ZNF101: variants seen among roughly 807,000 people sequenced by gnomAD.
The protein encoded by ZNF101 is zinc finger protein 101 (Y2).
ZNF101 carries 34 observed loss-of-function variants against 42.6 expected under a neutral mutation model. That is an observed-to-expected ratio of 0.80 (90% CI 0.61 to 1.06). The LOEUF (loss-of-function observed/expected upper bound fraction) is 1.06, where lower values mean the gene tolerates loss of function less well. Among genes scored for constraint, ZNF101 ranks in the 50% least tolerant of loss-of-function variants. ZNF101 has a pLI of 0.00. For synonymous variants in ZNF101, 158 were observed against 183.9 expected, an observed-to-expected ratio of 0.86 and a Z score of 1.14; for missense variants, 466 against 530.9, an observed-to-expected ratio of 0.88 and a Z score of 1.20.
Position 19,668,935 on chromosome 19 carries a change from G to A in ZNF101, c.-29G>A. ...CCTGTTCTGGCTGCTCCAGCCCCAG[G>A]AAGGACCCAGGACACCCGGAAGCCG... On this transcript the variant is annotated 5_prime_UTR_variant, in exon 1 of 4. Coordinates refer to ENST00000592502, the MANE Select transcript of ZNF101 (RefSeq NM_033204.4). 6.3e-7 allele frequency: 1 copy of A among 1,583,140 alleles called. No individual in the cohort carries two copies. The highest frequency in any genetic ancestry group is 8.6e-7 in the Non-Finnish European group (1 of 1,165,122).
intron 2 of ZNF101, among the ~76,000 whole-genome samples, chr19:19,678,518 G>C (rs936013525): frequency 1.3e-5 from 2 of 151,944 alleles, no homozygotes; most frequent in Admixed American, 6.6e-5. Context: ...GGGAGGCTGA[G>C]GCAGGAGAAT....
In ZNF101 at chr19:19,678,107, G is replaced by A. The variant is rs555500115; in HGVS notation, c.130+117G>A. 1,138 of 1,434,126 alleles carry A rather than the reference G, an allele frequency of 7.9e-4. 2 individuals are homozygous for A. The highest frequency in any genetic ancestry group is 6.2e-3 in the African/African-American group (436 of 70,030). 88.8% of individuals were successfully genotyped at this position (1,434,126 alleles called of 1,614,324 possible). On this transcript the variant is annotated intron_variant, in intron 2 of 3. Coordinates refer to ENST00000592502, the MANE Select transcript of ZNF101 (RefSeq NM_033204.4). ...TACGTTGGTGAATAAATGGGGCATC[G>A]TGGGCCAGGTACAGTGGCTTACCCT...
chr19:19,670,990 C>T (rs2062165147), intron 1 of ZNF101, among the ~76,000 whole-genome samples: 1 of 152,208 alleles, frequency 6.6e-6, no homozygotes, highest in South Asian at 2.1e-4. Context: ...CCTGTAGTCC[C>T]AGATATTCTG....
chr19:19,681,443 T>C lies in ZNF101; in HGVS notation c.*1143T>C, dbSNP rs2062239725. ...GTTTGGAAAATACAGGAAACTTCCA[T>C]TTTAACAATAATTAAAATTCACATG... is the stretch of plus-strand genomic sequence containing the variant. On this transcript the variant is annotated 3_prime_UTR_variant, in exon 4 of 4. Transcript: ENST00000592502. The C allele has an allele frequency of 6.6e-6, 1 of 152,228 alleles. No homozygotes were observed. Among genetic ancestry groups the C allele is most frequent in the Non-Finnish European group, 1.5e-5 (1 of 68,044 alleles). 9.4% of individuals were successfully genotyped at this position (152,228 alleles called of 1,614,324 possible).
At chr19:19,674,270 G>A (rs1474505290) in intron 1 of ZNF101, among the ~76,000 whole-genome samples, 1 of 151,898 alleles carries the variant, frequency 6.6e-6, no homozygotes, top group Non-Finnish European at 1.5e-5. Context: ...TCTGCCTCCT[G>A]GGTTCAAGTG....
chr19:19,679,645 A>G lies in ZNF101; in HGVS notation c.656A>G (p.His219Arg). The G allele has an allele frequency of 6.2e-7, 1 of 1,613,516 alleles. No individual in the cohort carries two copies. Reference protein sequence around the residue: ...SSFFRKHGKMHTGEKRYECKY... With the variant: ...SSFFRKHGKMRTGEKRYECKY... ...TTCTTTCGAAAACATGGAAAAATGC[A>G]TACTGGAGAAAAACGCTATGAATGT... The change falls in exon 4 of 4, where the codon CAT becomes CGT. Residue 219 changes from histidine (H) to arginine (R), a missense_variant. His to Arg is a conservative substitution (Grantham distance 29, BLOSUM62 0). Coordinates refer to ENST00000592502, the MANE Select transcript of ZNF101 (RefSeq NM_033204.4).
At chr19:19,670,231 G>C (rs1207182611) in intron 1 of ZNF101, among the ~76,000 whole-genome samples, 2 of 152,128 alleles carry the variant, frequency 1.3e-5, no homozygotes, top group African/African-American at 4.8e-5. Flanking sequence ...CTGGCCCTTG[G>C]GGGTGGGGTG....
At chr19:19,668,410 G>A (rs1429399972), upstream of ZNF101, among the ~76,000 whole-genome samples, 1 of 152,062 alleles carries the variant, frequency 6.6e-6, no homozygotes. Context: ...ACCGCATCCT[G>A]GAACTGTCTG....
intron 1 of ZNF101, among the ~76,000 whole-genome samples, chr19:19,675,729 C>A (rs2145052063): frequency 6.6e-6 from 1 of 152,190 alleles, no homozygotes; most frequent in East Asian, 1.9e-4. Flanking sequence ...AGATAATAGG[C>A]CGGGCACAGT....
At chr19:19,678,916 C>A in intron 3 of ZNF101, 130 bp downstream of exon 3, 1 of 967,404 alleles carries the variant, frequency 1.0e-6, no homozygotes, top group Non-Finnish European at 1.5e-6. Context: ...AGATTGCTAC[C>A]AAAAATCTAT....
At position 19,672,339 on chromosome 19, in the gene ZNF101, C is replaced by T. The variant is rs1389203236; in HGVS notation, c.3+3373C>T. 2.0e-5 allele frequency: 3 copies of T among 151,650 alleles called. No individual in the cohort carries two copies. In the East Asian group the frequency reaches 5.8e-4, roughly 29 times the overall value. 9.4% of individuals were successfully genotyped at this position (151,650 alleles called of 1,614,324 possible). A position where few individuals can be genotyped will look rare whatever the true frequency, so the allele number is the denominator to read the frequency against. On this transcript the variant is annotated intron_variant, in intron 1 of 3. Coordinates refer to ENST00000592502, the MANE Select transcript of ZNF101 (RefSeq NM_033204.4). ...GGTAGCTGAACCCGGTAGCTGAATC[C>T]TGAGTAGCTGGGATTACAGGTGCCC...
chr19:19,679,325 C>G lies in ZNF101; in HGVS notation c.336C>G (p.Leu112=), dbSNP rs267605378. Reference sequence around the variant, plus strand: ...GCAGCGTGTGTGGGAAAGTCTTCCTCCGTCATTCATTCCTGGACAGGCACA... The same window carrying G: ...GCAGCGTGTGTGGGAAAGTCTTCCTGCGTCATTCATTCCTGGACAGGCACA... ...CKCSVCGKVF[L]RHSFLDRHMR... The change falls in exon 4 of 4, where the codon CTC becomes CTG. Residue 112 remains leucine (L), a synonymous_variant. Coordinates refer to ENST00000592502, the MANE Select transcript of ZNF101 (RefSeq NM_033204.4). 2.7e-5 allele frequency: 43 copies of G among 1,613,990 alleles called. No homozygotes were observed. The highest frequency in any genetic ancestry group is 3.3e-5 in the South Asian group (3 of 91,082).
chr19:19,679,920 G>A lies in ZNF101; in HGVS notation c.931G>A (p.Glu311Lys), dbSNP rs1287766281. The stretch of plus-strand genomic sequence containing the variant: ...AACTCATAGTGGAGGAAAACTCTAC[G>A]AATGTCAAAAATGTGCCAAAGTCTT... Reference protein sequence around the residue: ...ERTHSGGKLYECQKCAKVFRC... With the variant: ...ERTHSGGKLYKCQKCAKVFRC... Residue 311 changes from glutamate to lysine, a missense_variant, in exon 4 of 4, where the codon GAA becomes AAA. Physicochemically the swap from Glu to Lys is moderately conservative, Grantham distance 56. Coordinates refer to ENST00000592502, the MANE Select transcript of ZNF101 (RefSeq NM_033204.4). 2 of 1,613,952 alleles carry A rather than the reference G, an allele frequency of 1.2e-6. No individual in the cohort carries two copies. Among genetic ancestry groups the A allele is most frequent in the Non-Finnish European group, 1.7e-6 (2 of 1,180,026 alleles).
Position 19,680,194 on chromosome 19 carries a change from T to G in ZNF101, c.1205T>G (p.Val402Gly). 1.2e-6 allele frequency: 2 copies of G among 1,600,834 alleles called. No individual in the cohort carries two copies. Among genetic ancestry groups the G allele is most frequent in the Non-Finnish European group, 1.7e-6 (2 of 1,175,542 alleles). Residue 402 changes from valine to glycine, a missense_variant, in exon 4 of 4, where the codon GTC (valine) becomes GGC (glycine). Coordinates refer to ENST00000592502, the MANE Select transcript of ZNF101 (RefSeq NM_033204.4). ...TTTGATTGTAAACAGTGTGGTAAAG[T>G]CTTTACTTTTTCAAATTACCTTAGA... ...KPFDCKQCGK[V>G]FTFSNYLRLH...
chr19:19,677,645 A>G, intron 1 of ZNF101: 1 of 573,820 alleles, frequency 1.7e-6, no homozygotes. Flanking sequence ...CCCACCACAG[A>G]GAGGGTGGTC....
chr19:19,671,766 T>C (rs1431815188), intron 1 of ZNF101, among the ~76,000 whole-genome samples: 1 of 152,202 alleles, frequency 6.6e-6, no homozygotes, highest in Non-Finnish European at 1.5e-5. Flanking sequence ...CCCAAAGTGC[T>C]GGGATTACAG....
chr19:19,673,789 A>G (rs2062186085), intron 1 of ZNF101, among the ~76,000 whole-genome samples: 1 of 125,398 alleles, frequency 8.0e-6, no homozygotes, highest in Admixed American at 9.5e-5. Flanking sequence ...TTTTTAAATT[A>G]TTATTATTAT....
intron 1 of ZNF101, among the ~76,000 whole-genome samples, chr19:19,670,240 T>C (rs765954945): frequency 6.4e-4 from 98 of 151,986 alleles, no homozygotes; most frequent in Non-Finnish European, 9.4e-4. Context: ...GGGGGTGGGG[T>C]GGGGCCAGAA....
intron 1 of ZNF101, among the ~76,000 whole-genome samples, chr19:19,671,701 G>C (rs963802404): frequency 1.6e-4 from 24 of 152,112 alleles, no homozygotes; most frequent in African/African-American, 5.8e-4. Context: ...GGGTTTCACC[G>C]TGTTAGCCAG....
Sources: allele counts gnomAD v4.1 joint callset (sites outside exome capture counted in the v4.1 genomes callset), GRCh38; gene constraint gnomAD v4.1.1; transcripts MANE v1.5; gene names NCBI Gene and HGNC (gene_info 2026-07-23, HGNC 2026-07-21).